The following CES1 variants were observed in gnomAD, a reference collection of about 807,000 sequenced individuals.
CES1 encodes the protein liver carboxylesterase 1.
CES1 carries 50 observed loss-of-function variants against 53.0 expected under a neutral mutation model. The observed-to-expected ratio is 0.94, with a 90% CI of 0.75 to 1.19. The LOEUF (loss-of-function observed/expected upper bound fraction) is 1.19. Among genes scored for constraint, CES1 ranks in the 50% most tolerant of loss-of-function variants. CES1 has a pLI of 0.00. For synonymous variants in CES1, 202 were observed against 210.1 expected, an observed-to-expected ratio of 0.96 and a Z score of 0.33; for missense variants, 534 against 538.0, an observed-to-expected ratio of 0.99 and a Z score of 0.07.
chr16:55,822,358 G>T (rs1181892898), intron 4 of CES1, among the ~76,000 whole-genome samples: 2 of 152,252 alleles, frequency 1.3e-5, no homozygotes, highest in African/African-American at 4.8e-5. Flanking sequence ...CCAGGGAAGA[G>T]GTGCAAAGTA....
chr16:55,833,014 G>A lies in CES1; in HGVS notation c.42C>T (p.Ser14=), dbSNP rs2032744154. 2.6e-6 allele frequency: 4 copies of A among 1,558,788 alleles called. No individual in the cohort carries two copies. Among genetic ancestry groups the A allele is most frequent in the Non-Finnish European group, 3.5e-6 (4 of 1,138,844 alleles). The change falls in exon 1 of 14, where the codon TCC becomes TCT. Residue 14 remains serine, a synonymous_variant. Coordinates refer to ENST00000360526, the MANE Select transcript of CES1 (RefSeq NM_001025195.2). ...RAFILATLSA[S]AAWAGHPSSP... ...TTCAGAAGGACTCACCCCAAGCCGC[G>A]GAAGCAGAGAGAGTGGCCAGGATAA... is the stretch of plus-strand genomic sequence containing the variant.
chr16:55,810,415 G>A, intron 11 of CES1, 102 bp downstream of exon 11: 1 of 1,476,312 alleles, frequency 6.8e-7, no homozygotes, highest in South Asian at 1.1e-5. Flanking sequence ...TTTGAGGCCT[G>A]ACCCTCAGCT....
chr16:55,822,140 G>A (rs2142338965), intron 4 of CES1, among the ~76,000 whole-genome samples: 2 of 152,366 alleles, frequency 1.3e-5, no homozygotes, highest in East Asian at 3.9e-4. Flanking sequence ...GAGGGCCCTG[G>A]GGCCTGGCAA....
At chr16:55,830,817 G>GGAAGGAAGGTAA (rs2032627624) in intron 1 of CES1, among the ~76,000 whole-genome samples, 4 of 150,058 alleles carry the variant, frequency 2.7e-5, no homozygotes, top group Admixed American at 6.7e-5. Flanking sequence ...AAGGAAGGAA[G>GGAAGGAAGGTAA]GAAGGCAGGC....
At chr16:55,816,990 G>A (rs763559783) in intron 7 of CES1, 28 bp from the exon 8 acceptor site, 1 of 1,613,990 alleles carries the variant, frequency 6.2e-7, no homozygotes, top group East Asian at 2.2e-5. Flanking sequence ...GAGGATGTGG[G>A]TGAGAGGCTT....
chr16:55,810,182 G>C (rs1415755418), intron 11 of CES1, among the ~76,000 whole-genome samples: 6 of 152,134 alleles, frequency 3.9e-5, no homozygotes, highest in Admixed American at 3.3e-4. Context: ...GTGTTTCCTT[G>C]AGTTTCCCCG....
chr16:55,813,080 C>T (rs1365791855), intron 8 of CES1, 37 bp from the exon 9 acceptor site: 10 of 1,612,880 alleles, frequency 6.2e-6, no homozygotes, highest in South Asian at 1.1e-5. Flanking sequence ...TGATTCCCTC[C>T]CTAGTCACAC....
Position 55,812,893 on chromosome 16 carries a change from G to A in CES1, c.1086+10C>T. ...GGTTGAGTCCCTCCAACAGACATGT[G>A]CCTTCTCACCATTGGAATCAACCAG... On this transcript the variant is annotated intron_variant, in intron 9 of 13. Transcript: ENST00000360526. 2 of 1,613,940 alleles carry A rather than the reference G, an allele frequency of 1.2e-6. No homozygotes were observed. Among genetic ancestry groups the A allele is most frequent in the East Asian group, 2.2e-5 (1 of 44,892 alleles).
Position 55,817,349 on chromosome 16 carries a change from T to G in CES1, c.907-387A>C, listed in dbSNP as rs1320287116. On this transcript the variant is annotated intron_variant, in intron 7 of 13. Transcript: ENST00000360526. ...GATTCTCAATAATATCCTATGATCA[T>G]CTGGACCCAGCCATGCCTGAAGCCA... 2.6e-4 allele frequency among the ~76,000 whole-genome samples: 39 copies of G among 152,226 alleles called. 1 individual carries two copies. The highest frequency in any genetic ancestry group is 9.2e-4 in the African/African-American group (38 of 41,444).
chr16:55,829,841 G>A (rs866909965), intron 1 of CES1, among the ~76,000 whole-genome samples: 2,344 of 152,094 alleles, frequency 0.015, 53 homozygotes, highest in African/African-American at 0.054. Context: ...CTTGCAGCAC[G>A]GACAATGTTT....
intron 4 of CES1, among the ~76,000 whole-genome samples, chr16:55,821,798 C>T (rs2032210144): frequency 6.6e-6 from 1 of 152,154 alleles, no homozygotes; most frequent in Non-Finnish European, 1.5e-5. Flanking sequence ...TGTGATGACA[C>T]TGAATTCCCA....
chr16:55,831,916 C>T (rs1197017127), intron 1 of CES1, among the ~76,000 whole-genome samples: 2 of 151,894 alleles, frequency 1.3e-5, no homozygotes, highest in Admixed American at 6.6e-5. Context: ...AGGCCCCTCG[C>T]TGCACCCCTC....
intron 5 of CES1, among the ~76,000 whole-genome samples, 196 bp downstream of exon 5, chr16:55,821,172 T>C (rs1217065559): frequency 7.9e-5 from 12 of 152,136 alleles, no homozygotes; most frequent in Non-Finnish European, 2.9e-5. Flanking sequence ...GACACTAAGC[T>C]GAGCTCTGAG....
At position 55,825,202 on chromosome 16, in the gene CES1, ATGAATGAATGAG is replaced by A. The variant is rs1248078511; in HGVS notation, c.405+937_405+948del. 7.4e-5 allele frequency among the ~76,000 whole-genome samples: 11 copies of A among 148,266 alleles called. No individual in the cohort carries two copies. The South Asian group carries it at 2.3e-3, about 32-fold the overall frequency. On this transcript the variant is annotated intron_variant, in intron 3 of 13. Coordinates refer to ENST00000360526, the MANE Select transcript of CES1 (RefSeq NM_001025195.2). ...AATGAATGAATGAATGAATGAATGA[ATGAATGAATGAG>A]TAAACCTTTCTCTCACTTCCTGTGT...
At chr16:55,817,704 G>T (rs565692364) in intron 7 of CES1, among the ~76,000 whole-genome samples, 2 of 151,862 alleles carry the variant, frequency 1.3e-5, no homozygotes, top group African/African-American at 4.8e-5. Flanking sequence ...GTGTGTGGGT[G>T]TCTGTGTGTG....
intron 1 of CES1, among the ~76,000 whole-genome samples, chr16:55,832,123 A>T (rs1366488121): frequency 6.6e-6 from 1 of 152,138 alleles, no homozygotes; most frequent in Non-Finnish European, 1.5e-5. Context: ...AATTAGGAAC[A>T]GCCCCTGTGC....
intron 11 of CES1, among the ~76,000 whole-genome samples, chr16:55,810,132 T>C (rs1397894427): frequency 6.6e-6 from 1 of 152,056 alleles, no homozygotes. Context: ...CCCGGCTCCC[T>C]TGCCACTCAG....
At chr16:55,817,312 CAG>C (rs1432283977) in intron 7 of CES1, among the ~76,000 whole-genome samples, 9 of 152,208 alleles carry the variant, frequency 5.9e-5, no homozygotes, top group African/African-American at 2.2e-4. Context: ...AGCTGAAGGA[CAG>C]AGAATGGTAG....
chr16:55,815,261 T>G (rs1199408234), intron 8 of CES1, among the ~76,000 whole-genome samples: 2 of 152,190 alleles, frequency 1.3e-5, no homozygotes, highest in African/African-American at 4.8e-5. Context: ...AGGTGTGTTT[T>G]GAAGGACTAA....
Sources: gnomAD v4.1 joint callset for allele counts (sites outside exome capture counted in the v4.1 genomes callset) on GRCh38, gnomAD v4.1.1 for gene constraint, MANE v1.5 for transcripts, NCBI Gene and HGNC (gene_info 2026-07-23, HGNC 2026-07-21) for gene names.